Variants in ADAMTS19 observed in about 807,000 individuals in gnomAD.
ADAMTS19 encodes the protein ADAM metallopeptidase with thrombospondin type 1 motif 19.
A neutral mutation model predicts 153.3 loss-of-function variants in ADAMTS19; 93 were observed. That is an observed-to-expected ratio of 0.61 (90% CI 0.51 to 0.72). ADAMTS19 has a LOEUF of 0.72. Among genes scored for constraint, ADAMTS19 ranks in the 30% least tolerant of loss-of-function variants. The probability of loss-of-function intolerance (pLI) is 0.00; values close to 1 mark genes in which losing one functional copy is unlikely to be tolerated. For missense variants in ADAMTS19, 1,482 were observed against 1,552.1 expected (o/e 0.95, Z 0.76); for synonymous variants, 600 against 556.6 (o/e 1.08, Z -1.10).
chr5:129,461,122 C>A lies in ADAMTS19; in HGVS notation c.112C>A (p.Arg38Ser). The change falls in exon 2 of 23, where the codon CGC (arginine) becomes AGC (serine). Residue 38 changes from arginine (R) to serine (S), a missense_variant. This residue lies in a region of ADAMTS19 where 866 missense variants were observed against 827.7 expected (regional missense o/e 1.05). Coordinates refer to ENST00000274487, the MANE Select transcript of ADAMTS19 (RefSeq NM_133638.6). The surrounding 1 kb of genome is among the most constrained non-coding windows in gnomAD (Gnocchi z 4.6). ...CGCAGAGCTGCAGTTCGCCCCCGAC[C>A]GCGAGGAGTGGGAAGTCGTGTTTCC... is the stretch of plus-strand genomic sequence containing the variant. ...IVSELQFAPD[R>S]EEWEVVFPAL... 2 of 1,420,124 alleles carry A rather than the reference C, an allele frequency of 1.4e-6. No individual in the cohort carries two copies. The highest frequency in any genetic ancestry group is 9.2e-7 in the Non-Finnish European group (1 of 1,085,210). 88.0% of individuals were successfully genotyped at this position (1,420,124 alleles called of 1,614,324 possible).
chr5:129,464,194 A>C (rs1192740950), intron 2 of ADAMTS19, among the ~76,000 whole-genome samples: 1 of 152,230 alleles, frequency 6.6e-6, no homozygotes. Flanking sequence ...ATAGAGAGAA[A>C]TGATCTTAAA....
chr5:129,696,714 G>C (rs541776675), intron 19 of ADAMTS19, among the ~76,000 whole-genome samples: 3 of 152,264 alleles, frequency 2.0e-5, no homozygotes, highest in Admixed American at 6.5e-5. Flanking sequence ...AAAGCCATTG[G>C]GGGAGGGGTG....
intron 17 of ADAMTS19, 70 bp downstream of exon 17, chr5:129,679,991 C>T (rs568456976): frequency 1.0e-4 from 139 of 1,380,824 alleles, no homozygotes; most frequent in Non-Finnish European, 8.7e-6. Flanking sequence ...CAGTGCACTT[C>T]CTCTAATATT....
chr5:129,567,022 A>G (rs564980118), intron 7 of ADAMTS19, among the ~76,000 whole-genome samples: 1 of 152,170 alleles, frequency 6.6e-6, no homozygotes, highest in South Asian at 2.1e-4. Flanking sequence ...GAGCATGGAG[A>G]GGGAAGGGCT....
chr5:129,631,622 G>A (rs982440333), intron 10 of ADAMTS19, among the ~76,000 whole-genome samples: 8 of 151,838 alleles, frequency 5.3e-5, no homozygotes, highest in African/African-American at 1.9e-4. Flanking sequence ...ATCACTGGTA[G>A]AAGTATAACT....
rs549001505 is a variant in ADAMTS19, at chr5:129,736,249, T to C, written c.3491-818T>C. Among the ~76,000 whole-genome samples, 3 of 152,092 alleles carry C rather than the reference T, an allele frequency of 2.0e-5. No individual in the cohort carries two copies. In the South Asian group the frequency reaches 6.2e-4, roughly 32 times the overall value. Reference sequence around the variant, plus strand: ...GAAAATAATGGATTAAAAGAAAAAATTTGTTAAAATTGCATTTTCTCTATT... The same window carrying C: ...GAAAATAATGGATTAAAAGAAAAAACTTGTTAAAATTGCATTTTCTCTATT... On this transcript the variant is annotated intron_variant, in intron 22 of 22. Transcript: ENST00000274487.
At chr5:129,500,357 T>TG (rs1035271308) in intron 2 of ADAMTS19, 6 of 152,248 alleles carry the variant, frequency 3.9e-5, no homozygotes, top group African/African-American at 1.4e-4. Flanking sequence ...GATGGCATTT[T>TG]GGGATATTAT....
intron 3 of ADAMTS19, among the ~76,000 whole-genome samples, chr5:129,519,815 T>G (rs1336739776): frequency 6.6e-6 from 1 of 152,132 alleles, no homozygotes; most frequent in African/African-American, 2.4e-5. Context: ...CTCTGTGTCT[T>G]CTTGATTTCC....
chr5:129,664,515 C>T (rs540515011), intron 15 of ADAMTS19, among the ~76,000 whole-genome samples: 3 of 152,144 alleles, frequency 2.0e-5, no homozygotes, highest in South Asian at 2.1e-4. Context: ...TCTAAAAGCA[C>T]ATGCCACTAA....
At chr5:129,506,616 A>G (rs995030636) in intron 2 of ADAMTS19, among the ~76,000 whole-genome samples, 7 of 152,002 alleles carry the variant, frequency 4.6e-5, no homozygotes, top group African/African-American at 1.7e-4. Flanking sequence ...AAGCTTCCAA[A>G]TCCTAACAAA....
At chr5:129,476,649 T>A (rs930330225) in intron 2 of ADAMTS19, among the ~76,000 whole-genome samples, 3 of 152,166 alleles carry the variant, frequency 2.0e-5, no homozygotes, top group Non-Finnish European at 4.4e-5. Flanking sequence ...ATCTCCTCTC[T>A]GGTAATGTAA....
intron 3 of ADAMTS19, among the ~76,000 whole-genome samples, chr5:129,513,918 C>G (rs1277652466): frequency 2.0e-5 from 3 of 151,900 alleles, no homozygotes; most frequent in Non-Finnish European, 2.9e-5. Flanking sequence ...ATTAACCATC[C>G]CCACCTCCCC....
intron 16 of ADAMTS19, 92 bp downstream of exon 16, chr5:129,665,671 C>T: frequency 9.7e-7 from 1 of 1,026,610 alleles, no homozygotes; most frequent in South Asian, 1.8e-5. Context: ...CAATCTGTTT[C>T]TAGTTTTATG....
intron 2 of ADAMTS19, among the ~76,000 whole-genome samples, chr5:129,500,904 G>T (rs987694639): frequency 4.6e-5 from 7 of 152,080 alleles, no homozygotes; most frequent in African/African-American, 1.4e-4. Flanking sequence ...AACACACAAA[G>T]ATCGCATAAT....
intron 16 of ADAMTS19, among the ~76,000 whole-genome samples, chr5:129,672,730 A>G (rs1227590978): frequency 6.6e-6 from 1 of 152,082 alleles, no homozygotes; most frequent in African/African-American, 2.4e-5. Context: ...TTGCAGCACC[A>G]ATTTACCTTA....
intron 8 of ADAMTS19, among the ~76,000 whole-genome samples, chr5:129,614,373 G>T (rs887718662): frequency 1.5e-4 from 23 of 152,186 alleles, no homozygotes; most frequent in Middle Eastern, 3.4e-3. Context: ...ATGCAAGGCT[G>T]GTTCAACATA....
chr5:129,526,189 G>C (rs1201955098), intron 3 of ADAMTS19, 95 bp from the exon 4 acceptor site: 1 of 1,048,224 alleles, frequency 9.5e-7, no homozygotes, highest in Non-Finnish European at 1.3e-6. Flanking sequence ...ATGTGTGTCG[G>C]GAACTTATTT....
chr5:129,665,992 T>A (rs1016398564), intron 16 of ADAMTS19, among the ~76,000 whole-genome samples: 7 of 150,036 alleles, frequency 4.7e-5, no homozygotes, highest in Non-Finnish European at 8.9e-5. Flanking sequence ...TATATATATA[T>A]AAAATGATCG....
chr5:129,626,178 T>C (rs1197575806), intron 10 of ADAMTS19, among the ~76,000 whole-genome samples: 1 of 152,144 alleles, frequency 6.6e-6, no homozygotes, highest in East Asian at 1.9e-4. Context: ...ACTCAGATTA[T>C]GTCTAAATCC....
Sources: allele counts gnomAD v4.1 joint callset (sites outside exome capture counted in the v4.1 genomes callset), GRCh38; gene constraint gnomAD v4.1.1; regional missense constraint gnomAD v4.1.1; non-coding constraint Gnocchi (gnomAD v3.1); transcripts MANE v1.5; gene names NCBI Gene and HGNC (gene_info 2026-07-23, HGNC 2026-07-21).